Variants in PTPRD observed in about 807,000 individuals in gnomAD.
PTPRD encodes receptor-type tyrosine-protein phosphatase delta.
In PTPRD, 34 loss-of-function variants were observed where a neutral mutation model predicts 214.5. That is an observed-to-expected ratio of 0.16 (90% confidence interval 0.12 to 0.21). PTPRD has a LOEUF of 0.21. PTPRD is among the 10% of genes least tolerant of loss of function. The pLI, the probability that PTPRD is intolerant of heterozygous loss-of-function variation, is 1.00. For missense variants in PTPRD, 2,545 were observed against 2,398.7 expected, an observed-to-expected ratio of 1.06 and a Z score of -1.27; for synonymous variants, 1,128 against 845.7, an observed-to-expected ratio of 1.33 and a Z score of -5.79.
At chr9:10,124,464 G>A (rs530031612) in intron 3 of PTPRD, among the ~76,000 whole-genome samples, 6 of 152,108 alleles carry the variant, frequency 3.9e-5, no homozygotes, top group Non-Finnish European at 7.4e-5. Context: ...ACCTCAGTTT[G>A]GCCACATGCT....
chr9:9,074,984 G>A (rs953446343), intron 10 of PTPRD, among the ~76,000 whole-genome samples: 1 of 151,120 alleles, frequency 6.6e-6, no homozygotes, highest in African/African-American at 2.4e-5. Context: ...AGATGGTCTT[G>A]TTTATTTTAT....
At chr9:8,368,894 T>A (rs374258516) in intron 39 of PTPRD, among the ~76,000 whole-genome samples, 26 of 152,240 alleles carry the variant, frequency 1.7e-4, no homozygotes, top group African/African-American at 6.0e-4. Flanking sequence ...ATAATTATTT[T>A]TCCTTACCTT....
intron 2 of PTPRD, among the ~76,000 whole-genome samples, chr9:10,440,778 T>C (rs2098753018): frequency 6.6e-6 from 1 of 151,666 alleles, no homozygotes; most frequent in Non-Finnish European, 1.5e-5. Context: ...AAAACCAATA[T>C]TAAGGTTGTA....
intron 14 of PTPRD, among the ~76,000 whole-genome samples, chr9:8,553,405 G>A (rs1168405354): frequency 6.6e-6 from 1 of 152,124 alleles, no homozygotes; most frequent in Non-Finnish European, 1.5e-5. Flanking sequence ...AAAACAAGGA[G>A]CAATTTGGTT....
At chr9:8,391,438 G>C (rs923389030) in intron 36 of PTPRD, among the ~76,000 whole-genome samples, 2 of 152,062 alleles carry the variant, frequency 1.3e-5, no homozygotes, top group Non-Finnish European at 2.9e-5. Flanking sequence ...GCAGCTCTTT[G>C]TTGATAAAGA....
intron 10 of PTPRD, among the ~76,000 whole-genome samples, chr9:9,175,518 G>T (rs987382638): frequency 2.0e-5 from 3 of 150,796 alleles, no homozygotes; most frequent in African/African-American, 7.3e-5. Flanking sequence ...AGCTACTCAG[G>T]AGGCTGAGGC....
At chr9:9,778,622 G>A (rs76150570) in intron 5 of PTPRD, among the ~76,000 whole-genome samples, 2 of 152,052 alleles carry the variant, frequency 1.3e-5, no homozygotes, top group South Asian at 4.1e-4. Flanking sequence ...CCCCCTCCTA[G>A]GGGCCACGCA....
At chr9:10,168,588 A>T (rs1208685510) in intron 3 of PTPRD, among the ~76,000 whole-genome samples, 2 of 152,236 alleles carry the variant, frequency 1.3e-5, no homozygotes, top group African/African-American at 4.8e-5. Flanking sequence ...ATACCAAAGC[A>T]GCAGTGTATC....
intron 10 of PTPRD, among the ~76,000 whole-genome samples, chr9:9,094,457 G>C (rs2154434009): frequency 6.6e-6 from 1 of 152,228 alleles, no homozygotes. Context: ...CTTATAAGTG[G>C]GAGCTAAGCT....
At chr9:10,396,772 T>C (rs1003473900) in intron 2 of PTPRD, among the ~76,000 whole-genome samples, 1 of 152,036 alleles carries the variant, frequency 6.6e-6, no homozygotes, top group Non-Finnish European at 1.5e-5. Context: ...GAATAAAACT[T>C]GCTGATTTTC....
At chr9:9,649,642 C>T (rs2096283153) in intron 7 of PTPRD, among the ~76,000 whole-genome samples, 2 of 152,164 alleles carry the variant, frequency 1.3e-5, no homozygotes, top group African/African-American at 4.8e-5. Flanking sequence ...ACGATCATAT[C>T]TGAAATTCTC....
At chr9:9,812,322 A>T (rs899694027) in intron 5 of PTPRD, among the ~76,000 whole-genome samples, 8 of 152,196 alleles carry the variant, frequency 5.3e-5, no homozygotes, top group African/African-American at 1.7e-4. Context: ...GTCCTTGCCA[A>T]TCAATAATTG....
At chr9:9,116,058 G>A (rs1452878193) in intron 10 of PTPRD, among the ~76,000 whole-genome samples, 1 of 152,050 alleles carries the variant, frequency 6.6e-6, no homozygotes, top group Non-Finnish European at 1.5e-5. Flanking sequence ...CAGACACTGA[G>A]AGGGTGACTG....
chr9:9,027,033 G>T (rs752777296), intron 10 of PTPRD, among the ~76,000 whole-genome samples: 6 of 151,330 alleles, frequency 4.0e-5, no homozygotes, highest in Non-Finnish European at 8.9e-5. Context: ...TCCTTCACTG[G>T]ATACTCCCCT....
At chr9:9,027,939 G>C (rs1490316742) in intron 10 of PTPRD, among the ~76,000 whole-genome samples, 1 of 151,776 alleles carries the variant, frequency 6.6e-6, no homozygotes, top group Non-Finnish European at 1.5e-5. Context: ...AAACATATTA[G>C]CCACATTTAG....
intron 7 of PTPRD, among the ~76,000 whole-genome samples, chr9:9,640,942 A>G (rs2095922258): frequency 6.6e-6 from 1 of 152,262 alleles, no homozygotes; most frequent in South Asian, 2.1e-4. Flanking sequence ...GAGTCAACGT[A>G]AGATCAAATC....
At chr9:10,422,027 T>C (rs538311444) in intron 2 of PTPRD, among the ~76,000 whole-genome samples, 14 of 151,672 alleles carry the variant, frequency 9.2e-5, no homozygotes, top group East Asian at 5.9e-4. Context: ...GACACTGCAA[T>C]TGAAACAACA....
Position 9,069,816 on chromosome 9 carries a change from G to A in PTPRD, c.-142-51081C>T, listed in dbSNP as rs555525045. Among the ~76,000 whole-genome samples, 4 of 152,328 alleles carry A rather than the reference G, an allele frequency of 2.6e-5. No individual in the cohort carries two copies. The East Asian group carries it at 7.7e-4, about 29-fold the overall frequency. On this transcript the variant is annotated intron_variant, in intron 10 of 45. Transcript: ENST00000381196. Reference sequence around the variant, plus strand: ...AAAACCAATCCTAGCAGCACTGGAAGAGGAGCAGTATAAAAATGAGTTCAC... The same window carrying A: ...AAAACCAATCCTAGCAGCACTGGAAAAGGAGCAGTATAAAAATGAGTTCAC...
intron 2 of PTPRD, among the ~76,000 whole-genome samples, chr9:10,427,454 A>C (rs1380461107): frequency 6.6e-6 from 1 of 152,056 alleles, no homozygotes; most frequent in East Asian, 1.9e-4. Context: ...GCTGGCTCTC[A>C]GTTGTACTTC....
Sources: allele counts gnomAD v4.1 joint callset (sites outside exome capture counted in the v4.1 genomes callset), GRCh38; gene constraint gnomAD v4.1.1; transcripts MANE v1.5; gene names NCBI Gene and HGNC (gene_info 2026-07-23, HGNC 2026-07-21).